OSBPL1A: variants seen among roughly 807,000 people sequenced by gnomAD.
OSBPL1A encodes oxysterol binding protein like 1A.
Under a neutral mutation model 137.1 loss-of-function variants are expected in OSBPL1A, and 80 were observed. The ratio of observed to expected loss-of-function variants is 0.58; its 90% CI spans 0.49 to 0.70. The LOEUF is 0.70. Ranked by LOEUF, OSBPL1A falls within the 30% of genes least tolerant of loss-of-function variation. The probability of loss-of-function intolerance (pLI) is 0.00; values close to 1 mark genes in which losing one functional copy is unlikely to be tolerated. For missense variants in OSBPL1A, 970 were observed against 1,129.4 expected, an observed-to-expected ratio of 0.86 and a Z score of 2.02; for synonymous variants, 365 against 389.7, an observed-to-expected ratio of 0.94 and a Z score of 0.75.
Position 24,185,684 on chromosome 18 carries a change from C to T in OSBPL1A, c.1678-4405G>A, listed in dbSNP as rs115245474. 6.5e-3 allele frequency among the ~76,000 whole-genome samples: 989 copies of T among 152,220 alleles called. 19 individuals are homozygous for T. The highest frequency in any genetic ancestry group is 0.022 in the African/African-American group (918 of 41,526). On this transcript the variant is annotated intron_variant, in intron 18 of 27. Transcript: ENST00000319481. ...ATGCTGACAATAGGGAGGCTATGCA[C>T]GTGTGGGGCCAGGGAGTGTGTGGGA... is the stretch of plus-strand genomic sequence containing the variant.
chr18:24,164,065 C>T (rs1450276524), intron 27 of OSBPL1A, among the ~76,000 whole-genome samples: 1 of 152,130 alleles, frequency 6.6e-6, no homozygotes, highest in Non-Finnish European at 1.5e-5. Context: ...AGATGAGAAG[C>T]TGAATGTCCA....
At chr18:24,342,671 C>A (rs2146157905) in intron 4 of OSBPL1A, among the ~76,000 whole-genome samples, 1 of 152,086 alleles carries the variant, frequency 6.6e-6, no homozygotes, top group East Asian at 1.9e-4. Flanking sequence ...CATAAACAGG[C>A]AAAAAATACA....
At chr18:24,377,372 AGAC>A in intron 2 of OSBPL1A, 38 bp downstream of exon 2, 1 of 1,580,864 alleles carries the variant, frequency 6.3e-7, no homozygotes, top group Non-Finnish European at 8.6e-7. Flanking sequence ...AGAGTAGTGC[AGAC>A]TCATAAGAGA....
intron 4 of OSBPL1A, among the ~76,000 whole-genome samples, chr18:24,361,554 A>C (rs1451121034): frequency 6.6e-6 from 1 of 152,204 alleles, no homozygotes; most frequent in African/African-American, 2.4e-5. Context: ...AAATAGCAGA[A>C]ATGGCCAAAT....
intron 23 of OSBPL1A, among the ~76,000 whole-genome samples, chr18:24,170,878 C>T (rs1685265): frequency 6.6e-6 from 1 of 152,102 alleles, no homozygotes; most frequent in South Asian, 2.1e-4. Context: ...CTCGAACTGG[C>T]TGCAAGCAAT....
chr18:24,233,530 T>A (rs528238436), intron 16 of OSBPL1A, among the ~76,000 whole-genome samples: 2 of 152,218 alleles, frequency 1.3e-5, no homozygotes, highest in African/African-American at 2.4e-5. Flanking sequence ...TGACATTTCT[T>A]CAACAACCTG....
chr18:24,205,526 A>T (rs992073480), intron 17 of OSBPL1A, among the ~76,000 whole-genome samples: 1 of 152,230 alleles, frequency 6.6e-6, no homozygotes, highest in South Asian at 2.1e-4. Context: ...GGTCAAATTT[A>T]ATTTTATTTT....
Position 24,242,965 on chromosome 18 carries a change from A to G in OSBPL1A, c.1282-3583T>C, listed in dbSNP as rs1347575750. 2.0e-5 allele frequency among the ~76,000 whole-genome samples: 3 copies of G among 152,194 alleles called. No individual in the cohort carries two copies. In the East Asian group the frequency reaches 5.8e-4, roughly 29 times the overall value. ...CTGTCCTACTTCCATCAGATGGGTT[A>G]AACACTTCATTTCTCTATTATATAA... On this transcript the variant is annotated intron_variant, in intron 15 of 27. Transcript: ENST00000319481.
In OSBPL1A at chr18:24,170,526, C is replaced by T. The variant is rs572175954; in HGVS notation, c.2292-73G>A. ...TTAAAGCCGACAGCACCTGGTATTC[C>T]CAGGCGGTCTCCCATCCGAGTACTA... On this transcript the variant is annotated intron_variant, in intron 23 of 27. Transcript: ENST00000319481. 1.9e-6 allele frequency: 3 copies of T among 1,581,496 alleles called. No individual in the cohort carries two copies. In the East Asian group the frequency reaches 6.7e-5, roughly 35 times the overall value.
intron 12 of OSBPL1A, among the ~76,000 whole-genome samples, chr18:24,313,584 G>T (rs2090665687): frequency 6.6e-6 from 1 of 152,130 alleles, no homozygotes; most frequent in Non-Finnish European, 1.5e-5. Context: ...TGTAGTCCAG[G>T]TTCTGTCACT....
At chr18:24,245,124 C>T (rs939648466) in intron 15 of OSBPL1A, among the ~76,000 whole-genome samples, 3 of 151,976 alleles carry the variant, frequency 2.0e-5, no homozygotes, top group East Asian at 1.9e-4. Context: ...GACAAGGTCT[C>T]GCTCTGTCAA....
intron 21 of OSBPL1A, among the ~76,000 whole-genome samples, chr18:24,173,706 G>A (rs1489576494): frequency 9.2e-5 from 14 of 152,176 alleles, no homozygotes; most frequent in Admixed American, 7.9e-4. Flanking sequence ...AGCCACCGCT[G>A]CACCTTCATA....
At chr18:24,281,081 T>G (rs911164344) in intron 14 of OSBPL1A, 133 bp from the exon 15 acceptor site, 1 of 544,436 alleles carries the variant, frequency 1.8e-6, no homozygotes, top group East Asian at 3.4e-5. Context: ...ATATCATGTT[T>G]CTTTTCTTTT....
chr18:24,175,271 G>A (rs186849390), intron 21 of OSBPL1A, among the ~76,000 whole-genome samples: 6 of 150,988 alleles, frequency 4.0e-5, no homozygotes, highest in Non-Finnish European at 5.9e-5. Context: ...CTGCAGCCTC[G>A]AACTCCTGGG....
At chr18:24,281,918 T>C (rs575249393) in intron 14 of OSBPL1A, among the ~76,000 whole-genome samples, 6 of 152,206 alleles carry the variant, frequency 3.9e-5, no homozygotes, top group African/African-American at 1.4e-4. Flanking sequence ...AGCTCTGCCT[T>C]GTGTCAGATC....
intron 5 of OSBPL1A, among the ~76,000 whole-genome samples, chr18:24,336,758 T>A (rs767136373): frequency 4.3e-4 from 66 of 152,172 alleles, no homozygotes; most frequent in Non-Finnish European, 5.0e-4. Flanking sequence ...ATGCAGAGAA[T>A]AGGCTGAATA....
intron 15 of OSBPL1A, among the ~76,000 whole-genome samples, chr18:24,250,875 C>A (rs275865): frequency 1.3e-5 from 2 of 151,898 alleles, no homozygotes; most frequent in Non-Finnish European, 2.9e-5. Context: ...GGGGAGCCCA[C>A]TGCCCTGAAG....
chr18:24,300,821 C>G (rs984813965), intron 14 of OSBPL1A, among the ~76,000 whole-genome samples: 12 of 151,998 alleles, frequency 7.9e-5, no homozygotes, highest in Admixed American at 1.3e-4. Context: ...CAGTCTGTCT[C>G]TCTCTCTCTC....
intron 14 of OSBPL1A, among the ~76,000 whole-genome samples, chr18:24,285,225 A>G (rs2090047173): frequency 6.6e-6 from 1 of 152,138 alleles, no homozygotes; most frequent in Non-Finnish European, 1.5e-5. Flanking sequence ...CCATCCAAAC[A>G]CCAAGCTTTG....
Sources: gnomAD v4.1 joint callset for allele counts (sites outside exome capture counted in the v4.1 genomes callset) on GRCh38, gnomAD v4.1.1 for gene constraint, MANE v1.5 for transcripts, NCBI Gene and HGNC (gene_info 2026-07-23, HGNC 2026-07-21) for gene names.